Variants in GPR161 observed in about 807,000 individuals in gnomAD.
GPR161 encodes the protein G protein-coupled receptor 161.
GPR161 carries 25 observed loss-of-function variants against 39.2 expected under a neutral mutation model. That is an observed-to-expected ratio of 0.64 (90% CI 0.47 to 0.89). GPR161 has a LOEUF of 0.89. Among genes scored for constraint, GPR161 ranks in the 40% least tolerant of loss-of-function variants. GPR161 has a pLI of 0.00. For missense variants in GPR161, 547 were observed against 677.8 expected (o/e 0.81, Z 2.14); for synonymous variants, 286 against 276.6 (o/e 1.03, Z -0.34).
At chr1:168,125,440 A>G (rs567808152) in intron 1 of GPR161, among the ~76,000 whole-genome samples, 1 of 152,244 alleles carries the variant, frequency 6.6e-6, no homozygotes, top group Non-Finnish European at 1.5e-5. Context: ...TTATACCATC[A>G]GAAAGGCCAA....
intron 1 of GPR161, among the ~76,000 whole-genome samples, chr1:168,134,322 G>A (rs1033516204): frequency 2.0e-5 from 3 of 152,136 alleles, no homozygotes; most frequent in South Asian, 2.1e-4. Context: ...CTCCCCTGCT[G>A]AGCACATAAA....
intron 5 of GPR161, among the ~76,000 whole-genome samples, chr1:168,086,105 T>C (rs1694469990): frequency 6.6e-6 from 1 of 152,250 alleles, no homozygotes; most frequent in African/African-American, 2.4e-5. Flanking sequence ...TTGGCCTATG[T>C]CTGGCCCATA....
At chr1:168,086,039 C>G (rs1395776263) in intron 5 of GPR161, among the ~76,000 whole-genome samples, 1 of 152,162 alleles carries the variant, frequency 6.6e-6, no homozygotes, top group African/African-American at 2.4e-5. Context: ...ATTAAGATAC[C>G]TCTTACTCCA....
Position 168,104,447 on chromosome 1 carries a change from C to T in GPR161, c.374+30G>A, listed in dbSNP as rs1696398710. The stretch of plus-strand genomic sequence containing the variant: ...CCAGATGAGCGCCCGTCAGTAATCC[C>T]TCAATTCTCTAAGTCTGAGGCATGC... On this transcript the variant is annotated intron_variant, in intron 2 of 5. Coordinates refer to ENST00000682931, the MANE Select transcript of GPR161 (RefSeq NM_001375883.1). The T allele has an allele frequency of 2.5e-6, 4 of 1,586,226 alleles. No individual in the cohort carries two copies. The South Asian group carries it at 4.5e-5, about 18-fold the overall frequency.
Position 168,085,468 on chromosome 1 carries a change from G to A in GPR161, c.*63C>T, listed in dbSNP as rs1003216369. 2.9e-5 allele frequency: 43 copies of A among 1,496,768 alleles called. No homozygotes were observed. The highest frequency in any genetic ancestry group is 2.7e-5 in the Non-Finnish European group (30 of 1,093,166). The allele number at this position is 1,496,768 out of a possible 1,614,324, so 92.7% of individuals were successfully genotyped here. A position where few individuals can be genotyped will look rare whatever the true frequency, so the allele number is the denominator to read the frequency against. Reference sequence around the variant, plus strand: ...ATGCTCCCAAGGCCGCGGCACAGGCGGTGATGGGAACTCCTCCCCGGGCCA... The same window carrying A: ...ATGCTCCCAAGGCCGCGGCACAGGCAGTGATGGGAACTCCTCCCCGGGCCA... On this transcript the variant is annotated 3_prime_UTR_variant, in exon 6 of 6. Transcript: ENST00000682931.
chr1:168,099,234 T>C (rs894641562), intron 2 of GPR161, among the ~76,000 whole-genome samples: 3 of 152,192 alleles, frequency 2.0e-5, no homozygotes, highest in Non-Finnish European at 4.4e-5. Context: ...CTGCTGAGAC[T>C]CGGACCTGTC....
intron 1 of GPR161, chr1:168,114,399 G>A (rs954050341): frequency 1.3e-5 from 2 of 152,118 alleles, no homozygotes; most frequent in Non-Finnish European, 2.9e-5. Flanking sequence ...TGGCCAATAT[G>A]GTGAAACCCT....
intron 1 of GPR161, among the ~76,000 whole-genome samples, chr1:168,130,789 A>G (rs1381962151): frequency 6.6e-6 from 1 of 152,152 alleles, no homozygotes; most frequent in African/African-American, 2.4e-5. Flanking sequence ...CAGATAGAAC[A>G]TGTACAAAAT....
intron 1 of GPR161, among the ~76,000 whole-genome samples, chr1:168,118,175 C>T (rs1697791907): frequency 6.6e-6 from 1 of 152,132 alleles, no homozygotes; most frequent in Non-Finnish European, 1.5e-5. Flanking sequence ...AATCCAAAGA[C>T]ACTATCAACA....
At chr1:168,092,317 C>T (rs1695145252) in intron 3 of GPR161, among the ~76,000 whole-genome samples, 1 of 152,164 alleles carries the variant, frequency 6.6e-6, no homozygotes, top group African/African-American at 2.4e-5. Flanking sequence ...GGGTTTTGGA[C>T]ACCATCTCTG....
chr1:168,108,494 A>AAAAAAAAAAAAAC (rs1696833070), intron 1 of GPR161, among the ~76,000 whole-genome samples: 1 of 140,124 alleles, frequency 7.1e-6, no homozygotes, highest in African/African-American at 2.6e-5. Context: ...TGTAAAAAAA[A>AAAAAAAAAAAAAC]AAAAAAAAAA....
At chr1:168,108,327 T>C (rs1050595847) in intron 1 of GPR161, among the ~76,000 whole-genome samples, 1 of 151,796 alleles carries the variant, frequency 6.6e-6, no homozygotes, top group African/African-American at 2.4e-5. Context: ...TGGGATCAAA[T>C]GTCAACATGA....
Position 168,085,312 on chromosome 1 carries a change from A to C in GPR161, c.*219T>G, listed in dbSNP as rs1356648148. On this transcript the variant is annotated 3_prime_UTR_variant, in exon 6 of 6. Transcript: ENST00000682931. ...GCTTCTGGTCCCATCACTGGGACCT[A>C]AAAGAAGCTCACATGTGGTCTCTGG... is the stretch of plus-strand genomic sequence containing the variant. 1 of 592,682 alleles carries C rather than the reference A, an allele frequency of 1.7e-6. No homozygotes were observed. 36.7% of individuals were successfully genotyped at this position (592,682 alleles called of 1,614,324 possible). A position where few individuals can be genotyped will look rare whatever the true frequency, so the allele number is the denominator to read the frequency against.
At chr1:168,117,810 TCAC>T (rs1697763319) in intron 1 of GPR161, among the ~76,000 whole-genome samples, 1 of 152,168 alleles carries the variant, frequency 6.6e-6, no homozygotes, top group Non-Finnish European at 1.5e-5. Flanking sequence ...TGCAGACTCC[TCAC>T]CACCAACCCC....
chr1:168,087,729 T>G, intron 4 of GPR161, 25 bp from the exon 5 acceptor site: 1 of 1,591,900 alleles, frequency 6.3e-7, no homozygotes, highest in Non-Finnish European at 8.6e-7. Context: ...AGATTGTGCA[T>G]ATGTAACTAC....
intron 1 of GPR161, among the ~76,000 whole-genome samples, chr1:168,117,984 A>G (rs1210825180): frequency 7.1e-6 from 1 of 140,412 alleles, no homozygotes; most frequent in Admixed American, 7.0e-5. Flanking sequence ...TTAAAAACAG[A>G]AAGAAACAAA....
At chr1:168,136,689 A>T in intron 1 of GPR161, 50 bp downstream of exon 1, 3 of 1,104,480 alleles carry the variant, frequency 2.7e-6, no homozygotes, top group Non-Finnish European at 3.3e-6. Flanking sequence ...CTCCATCCGG[A>T]CCGCCCTCTC....
intron 1 of GPR161, chr1:168,136,423 C>G (rs933821546): frequency 4.4e-6 from 6 of 1,351,782 alleles, no homozygotes; most frequent in Non-Finnish European, 5.7e-6. Context: ...GGGCTTCGGG[C>G]GGCGCCGGAG....
intron 2 of GPR161, among the ~76,000 whole-genome samples, chr1:168,104,141 C>T (rs929219606): frequency 1.3e-5 from 2 of 152,202 alleles, no homozygotes; most frequent in Non-Finnish European, 2.9e-5. Flanking sequence ...GAAAGAGAAG[C>T]AGAGTCAGAG....
Sources: gnomAD v4.1 joint callset for allele counts (sites outside exome capture counted in the v4.1 genomes callset) on GRCh38, gnomAD v4.1.1 for gene constraint, MANE v1.5 for transcripts, NCBI Gene and HGNC (gene_info 2026-07-23, HGNC 2026-07-21) for gene names.